The following TBCEL variants were observed in gnomAD, a reference collection of about 807,000 sequenced individuals.
The protein encoded by TBCEL is tubulin-specific chaperone cofactor E-like protein.
In TBCEL, 15 loss-of-function variants were observed where a neutral mutation model predicts 44.2. The ratio of observed to expected loss-of-function variants is 0.34; its 90% confidence interval spans 0.23 to 0.52. The LOEUF (loss-of-function observed/expected upper bound fraction) is 0.52. Ranked by LOEUF, TBCEL falls within the 20% of genes least tolerant of loss-of-function variation. The pLI is 0.95. For synonymous variants in TBCEL, 171 were observed against 185.4 expected, an observed-to-expected ratio of 0.92 and a Z score of 0.63; for missense variants, 319 against 506.3, an observed-to-expected ratio of 0.63 and a Z score of 3.55.
intron 1 of TBCEL, among the ~76,000 whole-genome samples, chr11:121,025,008 G>A (rs1379254185): frequency 6.6e-6 from 1 of 152,198 alleles, no homozygotes; most frequent in Non-Finnish European, 1.5e-5. Context: ...CTAGTAGGAA[G>A]ACATTCTGGG....
At chr11:121,031,097 C>G (rs1565490221) in intron 1 of TBCEL, among the ~76,000 whole-genome samples, 2 of 152,160 alleles carry the variant, frequency 1.3e-5, no homozygotes, top group Admixed American at 6.5e-5. Flanking sequence ...CATTCCCCCC[C>G]ACCGCAATCC....
At chr11:121,084,168 T>TTCCA (rs1275780191) in intron 8 of TBCEL, among the ~76,000 whole-genome samples, 1 of 152,166 alleles carries the variant, frequency 6.6e-6, no homozygotes, top group Non-Finnish European at 1.5e-5. Context: ...GGTATTAAGT[T>TTCCA]TCCAGCACAT....
Position 121,073,736 on chromosome 11 carries a change from C to G in TBCEL, c.957-13042C>G, listed in dbSNP as rs115642177. ...TTTTGCTATAGGGTTCTGATAGGTTCAGGTGGTTTCTATCTCTATTTTTCT... is the reference window on the plus strand; with the variant it reads ...TTTTGCTATAGGGTTCTGATAGGTTGAGGTGGTTTCTATCTCTATTTTTCT... On this transcript the variant is annotated intron_variant, in intron 8 of 8. Transcript: ENST00000683345. Among the ~76,000 whole-genome samples the G allele has an allele frequency of 4.3e-3, 653 of 151,904 alleles. 3 individuals carry two copies. The highest frequency in any genetic ancestry group is 0.015 in the African/African-American group (611 of 41,508).
intron 8 of TBCEL, among the ~76,000 whole-genome samples, chr11:121,083,737 T>G (rs6589854): frequency 0.38 from 57,350 of 151,918 alleles, 11,426 homozygotes; most frequent in African/African-American, 0.51. Flanking sequence ...TTGTTGAGTA[T>G]TGGGGTTTTG....
chr11:121,040,061 T>C (rs1945303755), intron 2 of TBCEL, among the ~76,000 whole-genome samples: 1 of 152,252 alleles, frequency 6.6e-6, no homozygotes, highest in African/African-American at 2.4e-5. Context: ...ATTTGAATTA[T>C]TGTGATTTCT....
At chr11:121,064,913 G>C (rs1012409125) in intron 8 of TBCEL, among the ~76,000 whole-genome samples, 1 of 151,924 alleles carries the variant, frequency 6.6e-6, no homozygotes, top group Non-Finnish European at 1.5e-5. Flanking sequence ...TGCAAGCTCT[G>C]CCTCCCGGGT....
chr11:121,050,756 A>C (rs531026639), intron 4 of TBCEL, among the ~76,000 whole-genome samples: 1 of 151,732 alleles, frequency 6.6e-6, no homozygotes, highest in Admixed American at 6.6e-5. Context: ...ATTTTTCTTA[A>C]ATCTTCAGTT....
intron 8 of TBCEL, among the ~76,000 whole-genome samples, chr11:121,067,352 G>C (rs922754709): frequency 5.3e-5 from 8 of 152,196 alleles, no homozygotes; most frequent in African/African-American, 1.7e-4. Context: ...AGAGTAAAAT[G>C]TTTAGGAGAC....
Position 121,087,173 on chromosome 11 carries a change from G to A in TBCEL, c.*77G>A. On this transcript the variant is annotated 3_prime_UTR_variant, in exon 9 of 9. Transcript: ENST00000683345. ...TTGTTTTTAATGTGGTTTTCTTTAG[G>A]AGGGAGAGGTTGTTTTTGTTTTGTT... is the stretch of plus-strand genomic sequence containing the variant. 1 of 1,376,850 alleles carries A rather than the reference G, an allele frequency of 7.3e-7. No individual in the cohort carries two copies. The highest frequency in any genetic ancestry group is 1.4e-5 in the South Asian group (1 of 71,126). The allele number at this position is 1,376,850 out of a possible 1,614,324, so 85.3% of individuals were successfully genotyped here. A position where few individuals can be genotyped will look rare whatever the true frequency, so the allele number is the denominator to read the frequency against.
chr11:121,073,700 T>C (rs184868523), intron 8 of TBCEL, among the ~76,000 whole-genome samples: 15 of 152,124 alleles, frequency 9.9e-5, no homozygotes, highest in African/African-American at 2.6e-4. Context: ...TATGTAGATA[T>C]GAATGCTGAC....
At chr11:121,081,253 T>A (rs1452461345) in intron 8 of TBCEL, among the ~76,000 whole-genome samples, 1 of 152,044 alleles carries the variant, frequency 6.6e-6, no homozygotes, top group Non-Finnish European at 1.5e-5. Context: ...TGTAGTAAAT[T>A]TTTTTTTACT....
At chr11:121,080,481 G>A (rs1946105913) in intron 8 of TBCEL, among the ~76,000 whole-genome samples, 1 of 152,188 alleles carries the variant, frequency 6.6e-6, no homozygotes, top group Non-Finnish European at 1.5e-5. Context: ...TACTCCTAAA[G>A]ATTGTGAATT....
At position 121,055,320 on chromosome 11, in the gene TBCEL, G is replaced by A. The variant is rs751928609; in HGVS notation, c.712+12G>A. 1.9e-6 allele frequency: 3 copies of A among 1,582,632 alleles called. No individual in the cohort carries two copies. Among genetic ancestry groups the A allele is most frequent in the Admixed American group, 1.7e-5 (1 of 57,472 alleles). On this transcript the variant is annotated intron_variant, in intron 6 of 8. Coordinates refer to ENST00000683345, the MANE Select transcript of TBCEL (RefSeq NM_001363644.2). ...CCTCCACAAGTCAGGTGAGGTTCAG[G>A]CTTGTTCTTATTCTACATGCAAATT... is the stretch of plus-strand genomic sequence containing the variant.
At chr11:121,025,731 A>T (rs56256712) in intron 1 of TBCEL, among the ~76,000 whole-genome samples, 27,145 of 145,048 alleles carry the variant, frequency 0.19, 2,589 homozygotes, top group East Asian at 0.35. Flanking sequence ...TTTTTTTTTT[A>T]TTTTATTTTG....
At chr11:121,061,258 T>A (rs1442988530) in intron 8 of TBCEL, among the ~76,000 whole-genome samples, 2 of 152,034 alleles carry the variant, frequency 1.3e-5, no homozygotes, top group African/African-American at 4.8e-5. Flanking sequence ...TCATTTGGTT[T>A]AATCTAACAT....
Position 121,024,145 on chromosome 11 carries a change from G to C in TBCEL, c.-272G>C, listed in dbSNP as rs976790605. On this transcript the variant is annotated 5_prime_UTR_variant, in exon 1 of 9. Transcript: ENST00000683345. ...GACACTGGGCTCCGGCGGCCAGAGT[G>C]GGGGACTAGGTGAAGCGGCGCCGGG... 2.6e-5 allele frequency: 4 copies of C among 153,314 alleles called. No homozygotes were observed. Among genetic ancestry groups the C allele is most frequent in the South Asian group, 2.1e-4 (1 of 4,832 alleles). 9.5% of individuals were successfully genotyped at this position (153,314 alleles called of 1,614,324 possible).
At chr11:121,078,150 A>T (rs1057360897) in intron 8 of TBCEL, among the ~76,000 whole-genome samples, 13 of 152,022 alleles carry the variant, frequency 8.6e-5, no homozygotes, top group Non-Finnish European at 1.6e-4. Flanking sequence ...TGTTAATGTT[A>T]TTCAGGTCTT....
At chr11:121,030,648 TGAGTGGAAGA>T (rs1945126206) in intron 1 of TBCEL, among the ~76,000 whole-genome samples, 1 of 152,150 alleles carries the variant, frequency 6.6e-6, no homozygotes, top group African/African-American at 2.4e-5. Flanking sequence ...AAGATGGGAA[TGAGTGGAAGA>T]GGAGCAGATT....
chr11:121,066,146 G>A (rs764855999), intron 8 of TBCEL, among the ~76,000 whole-genome samples: 24 of 152,200 alleles, frequency 1.6e-4, no homozygotes, highest in South Asian at 2.1e-4. Flanking sequence ...TCTGTATCTC[G>A]CTATACAAAC....
Sources: gnomAD v4.1 joint callset for allele counts (sites outside exome capture counted in the v4.1 genomes callset) on GRCh38, gnomAD v4.1.1 for gene constraint, MANE v1.5 for transcripts, NCBI Gene and HGNC (gene_info 2026-07-23, HGNC 2026-07-21) for gene names.